The following SORCS3 variants were observed in gnomAD, a reference collection of about 807,000 sequenced individuals.
SORCS3 encodes the protein VPS10 domain-containing receptor SorCS3.
In SORCS3, 57 loss-of-function variants were observed where a neutral mutation model predicts 146.3. The ratio of observed to expected loss-of-function variants is 0.39; its 90% CI spans 0.31 to 0.49. The LOEUF (loss-of-function observed/expected upper bound fraction) is 0.49. SORCS3 is among the 20% of genes least tolerant of loss of function. The probability of loss-of-function intolerance (pLI) is 0.92; values close to 1 mark genes in which losing one functional copy is unlikely to be tolerated. For synonymous variants in SORCS3, 653 were observed against 618.5 expected (o/e 1.06, Z -0.83); for missense variants, 1,341 against 1,575.5 (o/e 0.85, Z 2.52).
At chr10:105,255,154 A>C (rs978228384) in intron 23 of SORCS3, among the ~76,000 whole-genome samples, 2 of 138,858 alleles carry the variant, frequency 1.4e-5, no homozygotes, top group African/African-American at 5.5e-5. Flanking sequence ...GCGCCACTGC[A>C]CTCCAACCTG....
chr10:104,798,490 A>G (rs2017584614), intron 1 of SORCS3, among the ~76,000 whole-genome samples: 1 of 152,216 alleles, frequency 6.6e-6, no homozygotes, highest in South Asian at 2.1e-4. Flanking sequence ...CAACATACTT[A>G]TTAGAATTGT....
chr10:105,207,609 A>G lies in SORCS3; in HGVS notation c.2262-3528A>G, dbSNP rs141293934. On this transcript the variant is annotated intron_variant, in intron 16 of 26. Coordinates refer to ENST00000369701, the MANE Select transcript of SORCS3 (RefSeq NM_014978.3). ...ACAGCTGGAGCTGCTTGTTTTTCTA[A>G]ATCATGCAGACTTCGGAGCTGGGAA... Among the ~76,000 whole-genome samples, 13 of 152,318 alleles carry G rather than the reference A, an allele frequency of 8.5e-5. No individual in the cohort carries two copies. In the East Asian group the frequency reaches 2.5e-3, roughly 29 times the overall value.
At chr10:105,262,145 G>A (rs1361310678) in intron 25 of SORCS3, among the ~76,000 whole-genome samples, 186 bp from the exon 26 acceptor site, 1 of 152,050 alleles carries the variant, frequency 6.6e-6, no homozygotes, top group Admixed American at 6.6e-5. Flanking sequence ...TGGGCATCTG[G>A]GTTCCTAGCT....
chr10:104,934,834 A>C (rs558760815), intron 3 of SORCS3, among the ~76,000 whole-genome samples: 1 of 152,324 alleles, frequency 6.6e-6, no homozygotes, highest in East Asian at 1.9e-4. Context: ...ACTTAATACT[A>C]TCTGTGAAAA....
At chr10:104,831,065 A>G (rs891765310) in intron 1 of SORCS3, among the ~76,000 whole-genome samples, 2 of 152,040 alleles carry the variant, frequency 1.3e-5, no homozygotes, top group African/African-American at 4.8e-5. Context: ...GGCTCAAATG[A>G]CACTCTCACC....
chr10:105,233,641 T>C (rs77819019), intron 20 of SORCS3, among the ~76,000 whole-genome samples: 1 of 152,194 alleles, frequency 6.6e-6, no homozygotes, highest in Admixed American at 6.5e-5. Flanking sequence ...CTCCCACTTA[T>C]GAGTGAGAAT....
intron 4 of SORCS3, among the ~76,000 whole-genome samples, chr10:105,007,987 G>C (rs2055107941): frequency 1.3e-5 from 2 of 152,278 alleles, no homozygotes. Context: ...AAGATGGGGT[G>C]GGGGGATGTG....
chr10:105,062,459 C>G (rs1046059352), intron 5 of SORCS3, among the ~76,000 whole-genome samples: 1 of 152,154 alleles, frequency 6.6e-6, no homozygotes, highest in Non-Finnish European at 1.5e-5. Context: ...AGTGGGAGAA[C>G]TGTTCTTTCT....
chr10:105,027,741 A>G (rs531167613), intron 4 of SORCS3, among the ~76,000 whole-genome samples: 1 of 152,112 alleles, frequency 6.6e-6, no homozygotes, highest in Non-Finnish European at 1.5e-5. Flanking sequence ...CATATTTTGC[A>G]CTTTTGTGCT....
intron 1 of SORCS3, among the ~76,000 whole-genome samples, chr10:104,809,142 G>A (rs1266299870): frequency 6.6e-6 from 1 of 152,126 alleles, no homozygotes; most frequent in African/African-American, 2.4e-5. Flanking sequence ...ATACCTTTAG[G>A]ATATACAAAT....
chr10:104,977,759 G>A (rs149714314), intron 4 of SORCS3, among the ~76,000 whole-genome samples: 333 of 128,906 alleles, frequency 2.6e-3, no homozygotes, highest in African/African-American at 9.4e-3. Flanking sequence ...TTGACACAGA[G>A]TCTCGCTCTT....
intron 14 of SORCS3, among the ~76,000 whole-genome samples, chr10:105,182,681 T>G (rs953405337): frequency 6.6e-5 from 10 of 151,838 alleles, no homozygotes; most frequent in Non-Finnish European, 1.5e-4. Flanking sequence ...ATAAATGTGT[T>G]TTGTTGTTGT....
intron 7 of SORCS3, among the ~76,000 whole-genome samples, chr10:105,124,979 G>A (rs1467062108): frequency 6.6e-6 from 1 of 152,184 alleles, no homozygotes; most frequent in Non-Finnish European, 1.5e-5. Flanking sequence ...ATTGCATCAG[G>A]AAGAAATGAT....
intron 1 of SORCS3, among the ~76,000 whole-genome samples, chr10:104,778,510 G>A (rs2017338255): frequency 6.6e-6 from 1 of 152,158 alleles, no homozygotes; most frequent in Non-Finnish European, 1.5e-5. Context: ...TCTCAAAGAG[G>A]AATGATCACA....
intron 1 of SORCS3, among the ~76,000 whole-genome samples, chr10:104,728,204 T>A (rs1302275229): frequency 6.6e-6 from 1 of 152,182 alleles, no homozygotes; most frequent in African/African-American, 2.4e-5. Context: ...CTTTGTTCCA[T>A]CCCTCATTAT....
intron 8 of SORCS3, among the ~76,000 whole-genome samples, chr10:105,142,045 G>A (rs542748761): frequency 6.6e-6 from 1 of 152,312 alleles, no homozygotes; most frequent in South Asian, 2.1e-4. Flanking sequence ...ATGGAGATCA[G>A]TGTTCATAAT....
Position 104,740,098 on chromosome 10 carries a change from C to A in SORCS3, c.627+98144C>A, listed in dbSNP as rs145436258. 5.2e-3 allele frequency among the ~76,000 whole-genome samples: 787 copies of A among 152,072 alleles called. 5 individuals are homozygous for A. Among genetic ancestry groups the A allele is most frequent in the African/African-American group, 0.018 (729 of 41,482 alleles). ...TATTTCTTGGCATGATTAAAACATG[C>A]AAAAAGGTATGCATTTACAATTTTG... is the stretch of plus-strand genomic sequence containing the variant. On this transcript the variant is annotated intron_variant, in intron 1 of 26. Coordinates refer to ENST00000369701, the MANE Select transcript of SORCS3 (RefSeq NM_014978.3).
chr10:105,038,597 T>C (rs532167547), intron 4 of SORCS3, among the ~76,000 whole-genome samples: 1 of 152,280 alleles, frequency 6.6e-6, no homozygotes, highest in South Asian at 2.1e-4. Flanking sequence ...ATATAATACA[T>C]ATTTATTGTT....
intron 25 of SORCS3, among the ~76,000 whole-genome samples, chr10:105,259,697 A>C (rs1030099015): frequency 3.3e-5 from 5 of 152,186 alleles, no homozygotes; most frequent in Non-Finnish European, 7.3e-5. Context: ...TATCCAGGAA[A>C]ACATTTGAGC....
Sources: allele counts gnomAD v4.1 joint callset (sites outside exome capture counted in the v4.1 genomes callset), GRCh38; gene constraint gnomAD v4.1.1; transcripts MANE v1.5; gene names NCBI Gene and HGNC (gene_info 2026-07-23, HGNC 2026-07-21).